Variants in SYT7 observed in about 807,000 individuals in gnomAD.
SYT7 encodes synaptotagmin 7.
SYT7 carries 29 observed loss-of-function variants against 75.1 expected under a neutral mutation model. The observed-to-expected ratio is 0.39, with a 90% CI of 0.29 to 0.53. The LOEUF (loss-of-function observed/expected upper bound fraction) is 0.53. Ranked by LOEUF, SYT7 falls within the 20% of genes least tolerant of loss-of-function variation. The probability of loss-of-function intolerance (pLI) is 0.77; values close to 1 mark genes in which losing one functional copy is unlikely to be tolerated. For missense variants in SYT7, 693 were observed against 953.2 expected (o/e 0.73, Z 3.59); for synonymous variants, 376 against 401.7 (o/e 0.94, Z 0.76).
chr11:61,572,612 T>G (rs1343631923), intron 1 of SYT7, among the ~76,000 whole-genome samples: 1 of 152,202 alleles, frequency 6.6e-6, no homozygotes, highest in Admixed American at 6.5e-5. Context: ...GCAAGACTGC[T>G]GTGAAGATGA....
At chr11:61,534,633 G>A (rs539833037) in intron 7 of SYT7, among the ~76,000 whole-genome samples, 1 of 152,228 alleles carries the variant, frequency 6.6e-6, no homozygotes, top group East Asian at 1.9e-4. Flanking sequence ...GGCATGCCAC[G>A]TGTGCACGTG....
chr11:61,569,948 A>G (rs1182369711), intron 1 of SYT7, among the ~76,000 whole-genome samples: 1 of 152,228 alleles, frequency 6.6e-6, no homozygotes, highest in Non-Finnish European at 1.5e-5. Context: ...CAGCCGGCTC[A>G]GGCCCCAGAT....
rs1033484586 is a variant in SYT7, at chr11:61,517,716, A to G, written c.*911T>C. On this transcript the variant is annotated 3_prime_UTR_variant, in exon 13 of 13. Coordinates refer to ENST00000539008, the MANE Select transcript of SYT7 (RefSeq NM_001365809.2). ...CGGGACCCCCTGAGAAGGAAGGGAG[A>G]TGAGTCCTGGTGGAATGCTATGCAC... The G allele has an allele frequency of 7.6e-6, 3 of 397,192 alleles. No homozygotes were observed. Among genetic ancestry groups the G allele is most frequent in the African/African-American group, 2.1e-5 (1 of 48,544 alleles). 24.6% of individuals were successfully genotyped at this position (397,192 alleles called of 1,614,324 possible). A position where few individuals can be genotyped will look rare whatever the true frequency, so the allele number is the denominator to read the frequency against.
intron 1 of SYT7, among the ~76,000 whole-genome samples, chr11:61,568,198 C>T: frequency 6.9e-6 from 1 of 144,128 alleles, no homozygotes; most frequent in African/African-American, 3.0e-5. Context: ...CCCCACCCTA[C>T]AGGTGGGGCT....
At chr11:61,561,776 G>C (rs750784417) in intron 1 of SYT7, among the ~76,000 whole-genome samples, 30 of 152,166 alleles carry the variant, frequency 2.0e-4, no homozygotes, top group Non-Finnish European at 4.1e-4. Context: ...CCACACTACA[G>C]GGTCCACAAA....
At chr11:61,531,398 G>A (rs1177140848) in intron 8 of SYT7, among the ~76,000 whole-genome samples, 1 of 152,192 alleles carries the variant, frequency 6.6e-6, no homozygotes, top group Non-Finnish European at 1.5e-5. Context: ...GTGCAGGGAG[G>A]CAGGGTGGGC....
At chr11:61,532,840 G>A (rs1439720125) in intron 8 of SYT7, 149 bp downstream of exon 8, 3 of 1,216,434 alleles carry the variant, frequency 2.5e-6, no homozygotes, top group South Asian at 1.6e-5. Flanking sequence ...TGGCCACCAT[G>A]CTGGGCCTGG....
chr11:61,587,429 G>C, the SYT7 span, among the ~76,000 whole-genome samples: 6 of 152,388 alleles, frequency 3.9e-5, no homozygotes, highest in South Asian at 1.2e-3. Context: ...CCTGTTTCCA[G>C]GTCTGAGGCT....
At chr11:61,545,996 C>T in intron 5 of SYT7, 35 bp downstream of exon 5, 2 of 1,519,182 alleles carry the variant, frequency 1.3e-6, no homozygotes, top group Non-Finnish European at 1.8e-6. Flanking sequence ...GGCCTGAGCT[C>T]ATGGCTCCGG....
chr11:61,542,063 A>G lies in SYT7; in HGVS notation c.941+148T>C. 3 of 1,087,668 alleles carry G rather than the reference A, an allele frequency of 2.8e-6. No individual in the cohort carries two copies. Among genetic ancestry groups the G allele is most frequent in the East Asian group, 2.8e-5 (1 of 35,394 alleles). 67.4% of individuals were successfully genotyped at this position (1,087,668 alleles called of 1,614,324 possible). A position where few individuals can be genotyped will look rare whatever the true frequency, so the allele number is the denominator to read the frequency against. On this transcript the variant is annotated intron_variant, in intron 6 of 12. Coordinates refer to ENST00000539008, the MANE Select transcript of SYT7 (RefSeq NM_001365809.2). This position sits in a 1 kb window ranked among gnomAD's most constrained non-coding sequence, Gnocchi z 7.8. ...CTTCAGGCAGGAGCCACAAGAGGCT[A>G]AGGAGGGGGCTGCCAAGTCTGCTTG...
intron 9 of SYT7, among the ~76,000 whole-genome samples, chr11:61,525,090 C>T (rs988642272): frequency 2.6e-5 from 4 of 152,198 alleles, no homozygotes; most frequent in African/African-American, 9.7e-5. Flanking sequence ...TCCTTCCTAC[C>T]GCAGCGTCCC....
intron 1 of SYT7, among the ~76,000 whole-genome samples, chr11:61,562,014 G>A (rs1411450064): frequency 9.2e-5 from 14 of 151,424 alleles, no homozygotes; most frequent in Non-Finnish European, 1.3e-4. Flanking sequence ...GTGTGTGTGC[G>A]CGCATGCACA....
intron 6 of SYT7, 80 bp from the exon 7 acceptor site, chr11:61,538,346 G>GGAGAGAGAGAGAGAGAGAGAGA (rs58071370): frequency 1.9e-4 from 38 of 203,284 alleles, no homozygotes; most frequent in African/African-American, 7.6e-4. Context: ...GGAGAGAGAG[G>GGAGAGAGAGAGAGAGAGAGAGA]GAGAGAGAGA....
rs1171758477 is a variant in SYT7, at chr11:61,533,121, C to T, written c.1068G>A (p.Leu356=). The T allele has an allele frequency of 1.3e-6, 2 of 1,594,792 alleles. No individual in the cohort carries two copies. The highest frequency in any genetic ancestry group is 1.7e-6 in the Non-Finnish European group (2 of 1,171,042). The part of the protein sequence containing the change: ...QNQNAQGDKR[L]PAGGKAVNTA... ...TGTTCACCGCCTTCCCTCCTGCAGGCAACCTGAGGGCAGGGGAGTCCAAAT... is the reference window on the plus strand; with the variant it reads ...TGTTCACCGCCTTCCCTCCTGCAGGTAACCTGAGGGCAGGGGAGTCCAAAT... Residue 356 remains leucine, a synonymous_variant, in exon 8 of 13, where the codon TTG becomes TTA. Coordinates refer to ENST00000539008, the MANE Select transcript of SYT7 (RefSeq NM_001365809.2).
In SYT7 at chr11:61,580,797, G is replaced by C; in HGVS notation, c.24C>G (p.Ala8=). 7.8e-7 allele frequency: 1 copy of C among 1,290,016 alleles called. No homozygotes were observed. The highest frequency in any genetic ancestry group is 2.4e-5 in the South Asian group (1 of 41,100). The allele number at this position is 1,290,016 out of a possible 1,614,324, so 79.9% of individuals were successfully genotyped here. The change falls in exon 1 of 13, where the codon GCC becomes GCG. Residue 8 remains alanine, a synonymous_variant. Coordinates refer to ENST00000539008, the MANE Select transcript of SYT7 (RefSeq NM_001365809.2). The surrounding 1 kb of genome is among the most constrained non-coding windows in gnomAD (Gnocchi z 6.1). ...CGCCGGGGCCGCGCTTACCTGGGCT[G>C]GCCGCCTCCGGGTCCCGGTACATGG... is the stretch of plus-strand genomic sequence containing the variant. MYRDPEA[A]SPGAPSRDVL... is the part of the protein sequence containing the mutation.
At chr11:61,534,212 C>T (rs2062795816) in intron 7 of SYT7, among the ~76,000 whole-genome samples, 1 of 152,226 alleles carries the variant, frequency 6.6e-6, no homozygotes, top group Admixed American at 6.5e-5. Context: ...CAGCCACAAA[C>T]TGGGAGCCAC....
intron 12 of SYT7, 114 bp downstream of exon 12, chr11:61,522,961 C>T: frequency 5.7e-6 from 6 of 1,056,670 alleles, no homozygotes; most frequent in African/African-American, 1.6e-5. Flanking sequence ...GGAGACTGAT[C>T]CCAATCTCTC....
chr11:61,575,856 A>G (rs994223072), intron 1 of SYT7, among the ~76,000 whole-genome samples: 4 of 152,188 alleles, frequency 2.6e-5, no homozygotes, highest in Non-Finnish European at 5.9e-5. Flanking sequence ...CACACTAGGT[A>G]CACATACAGA....
intron 5 of SYT7, among the ~76,000 whole-genome samples, chr11:61,543,099 G>C (rs2063095077): frequency 6.6e-6 from 1 of 152,204 alleles, no homozygotes; most frequent in Admixed American, 6.5e-5. Context: ...TAGTAATCCT[G>C]GGGAGGCCGG....
Sources: allele counts gnomAD v4.1 joint callset (sites outside exome capture counted in the v4.1 genomes callset), GRCh38; gene constraint gnomAD v4.1.1; non-coding constraint Gnocchi (gnomAD v3.1); transcripts MANE v1.5; gene names NCBI Gene and HGNC (gene_info 2026-07-23, HGNC 2026-07-21).